The following KCNMB4 variants were observed in gnomAD, a reference collection of about 807,000 sequenced individuals.
KCNMB4 encodes calcium-activated potassium channel subunit beta-4.
KCNMB4 carries 3 observed loss-of-function variants against 20.7 expected under a neutral mutation model. The observed-to-expected ratio is 0.14, with a 90% CI of 0.07 to 0.37. The LOEUF (loss-of-function observed/expected upper bound fraction) is 0.37, where lower values mean the gene tolerates loss of function less well. Among genes scored for constraint, KCNMB4 ranks in the 10% least tolerant of loss-of-function variants. KCNMB4 has a pLI of 1.00. For synonymous variants in KCNMB4, 110 were observed against 113.4 expected, an observed-to-expected ratio of 0.97 and a Z score of 0.19; for missense variants, 168 against 265.9, an observed-to-expected ratio of 0.63 and a Z score of 2.56.
At chr12:70,424,647 G>C (rs1412199103) in intron 2 of KCNMB4, among the ~76,000 whole-genome samples, 1 of 151,258 alleles carries the variant, frequency 6.6e-6, no homozygotes, top group South Asian at 2.1e-4. Context: ...CTACTCAGGA[G>C]GCTGAGGCAG....
chr12:70,385,860 A>G (rs772848744), intron 1 of KCNMB4, among the ~76,000 whole-genome samples: 1 of 152,190 alleles, frequency 6.6e-6, no homozygotes, highest in Non-Finnish European at 1.5e-5. Context: ...TAGACCAATT[A>G]CCATAGAGGA....
chr12:70,384,374 T>C (rs1241604608), intron 1 of KCNMB4, among the ~76,000 whole-genome samples: 2 of 152,130 alleles, frequency 1.3e-5, no homozygotes, highest in Non-Finnish European at 2.9e-5. Flanking sequence ...AGACTAAATA[T>C]TACAATGGAG....
chr12:70,391,758 A>G (rs1180613792), intron 1 of KCNMB4, among the ~76,000 whole-genome samples: 1 of 152,214 alleles, frequency 6.6e-6, no homozygotes, highest in Non-Finnish European at 1.5e-5. Flanking sequence ...AAGGATGAGC[A>G]TTCTCGAGAG....
intron 2 of KCNMB4, among the ~76,000 whole-genome samples, chr12:70,408,269 C>T (rs896353593): frequency 2.0e-5 from 3 of 152,108 alleles, no homozygotes; most frequent in South Asian, 2.1e-4. Context: ...TGAAAAATGG[C>T]AGCTCCCTGG....
At chr12:70,374,596 A>G (rs554074152) in intron 1 of KCNMB4, among the ~76,000 whole-genome samples, 1 of 152,268 alleles carries the variant, frequency 6.6e-6, no homozygotes, top group East Asian at 1.9e-4. Flanking sequence ...CTTGTAAATC[A>G]TTGTGTTTAT....
intron 1 of KCNMB4, among the ~76,000 whole-genome samples, chr12:70,395,539 A>G (rs921397460): frequency 2.0e-5 from 3 of 152,208 alleles, no homozygotes; most frequent in Admixed American, 6.5e-5. Flanking sequence ...GCTGTTATAA[A>G]TCTTGACAAA....
chr12:70,390,475 CTTG>C (rs1454869438), intron 1 of KCNMB4, among the ~76,000 whole-genome samples: 6 of 152,228 alleles, frequency 3.9e-5, no homozygotes, highest in Non-Finnish European at 8.8e-5. Context: ...AGAATAGTCA[CTTG>C]CCAAAGAAAG....
intron 1 of KCNMB4, among the ~76,000 whole-genome samples, chr12:70,372,174 G>A (rs1417731643): frequency 2.6e-5 from 4 of 152,166 alleles, no homozygotes; most frequent in African/African-American, 7.2e-5. Context: ...CTATGAGGGC[G>A]AAAGTGAGGT....
At chr12:70,404,215 T>C (rs1203555612) in intron 2 of KCNMB4, among the ~76,000 whole-genome samples, 1 of 152,172 alleles carries the variant, frequency 6.6e-6, no homozygotes, top group African/African-American at 2.4e-5. Context: ...AGAGATTCTT[T>C]GTCATATAGG....
chr12:70,408,484 A>G (rs1868674548), intron 2 of KCNMB4, among the ~76,000 whole-genome samples: 1 of 152,186 alleles, frequency 6.6e-6, no homozygotes, highest in Non-Finnish European at 1.5e-5. Context: ...TAAGACAAAG[A>G]TTAGAGGAGT....
chr12:70,392,719 A>C (rs1212247597), intron 1 of KCNMB4, among the ~76,000 whole-genome samples: 6 of 152,192 alleles, frequency 3.9e-5, no homozygotes, highest in Non-Finnish European at 7.3e-5. Flanking sequence ...ATTCTCAGCA[A>C]ACTAACACAG....
intron 2 of KCNMB4, among the ~76,000 whole-genome samples, chr12:70,417,946 G>A (rs1868952529): frequency 6.6e-6 from 1 of 152,178 alleles, no homozygotes; most frequent in Non-Finnish European, 1.5e-5. Context: ...TGAGCCATGG[G>A]AGACTCAGCT....
intron 2 of KCNMB4, among the ~76,000 whole-genome samples, chr12:70,407,247 G>C (rs1300590922): frequency 4.6e-5 from 7 of 152,046 alleles, no homozygotes. Context: ...CTGCCAGATG[G>C]AAGAGATGCA....
chr12:70,367,087 C>G lies in KCNMB4; in HGVS notation c.336+17C>G, dbSNP rs753114704. 1.3e-6 allele frequency: 2 copies of G among 1,488,484 alleles called. No homozygotes were observed. The highest frequency in any genetic ancestry group is 1.8e-6 in the Non-Finnish European group (2 of 1,117,288). The allele number at this position is 1,488,484 out of a possible 1,614,324, so 92.2% of individuals were successfully genotyped here. The stretch of plus-strand genomic sequence containing the variant: ...AACCCCAAGGTAAGAACGCCCCGCG[C>G]ACCCAGGGGCTCCCCGCGAGGGAGG... On this transcript the variant is annotated intron_variant, in intron 1 of 2. Coordinates refer to ENST00000258111, the MANE Select transcript of KCNMB4 (RefSeq NM_014505.6).
chr12:70,378,501 G>A (rs1480758603), intron 1 of KCNMB4, among the ~76,000 whole-genome samples: 1 of 152,100 alleles, frequency 6.6e-6, no homozygotes, highest in African/African-American at 2.4e-5. Context: ...AATCACTATA[G>A]CTACAGCTTT....
chr12:70,423,651 T>A (rs1869130061), intron 2 of KCNMB4, among the ~76,000 whole-genome samples: 1 of 152,142 alleles, frequency 6.6e-6, no homozygotes. Context: ...CGAATTTTTT[T>A]ATATTTTGTA....
intron 2 of KCNMB4, among the ~76,000 whole-genome samples, chr12:70,418,761 T>TG (rs1265382776): frequency 1.3e-5 from 2 of 152,082 alleles, no homozygotes. Context: ...CATTGACATT[T>TG]GGGGGGATTC....
intron 2 of KCNMB4, among the ~76,000 whole-genome samples, chr12:70,425,132 G>T (rs1413216791): frequency 6.6e-6 from 1 of 152,022 alleles, no homozygotes; most frequent in African/African-American, 2.4e-5. Context: ...ATGGAGTTTT[G>T]CCAAAAAAAC....
chr12:70,421,119 C>T (rs1294966649), intron 2 of KCNMB4, among the ~76,000 whole-genome samples: 3 of 151,080 alleles, frequency 2.0e-5, no homozygotes, highest in Admixed American at 6.6e-5. Context: ...TTGGGGTTGT[C>T]AAATTCATTT....
Sources: allele counts gnomAD v4.1 joint callset (sites outside exome capture counted in the v4.1 genomes callset), GRCh38; gene constraint gnomAD v4.1.1; transcripts MANE v1.5; gene names NCBI Gene and HGNC (gene_info 2026-07-23, HGNC 2026-07-21).